The following ASS1 variants were observed in gnomAD, a reference collection of about 807,000 sequenced individuals.
The protein encoded by ASS1 is argininosuccinate synthase 1, also known as argininosuccinate synthase.
ASS1 carries 58 observed loss-of-function variants against 60.5 expected under a neutral mutation model. That is an observed-to-expected ratio of 0.96 (90% CI 0.78 to 1.19). ASS1 has a LOEUF of 1.19. Ranked by LOEUF, ASS1 falls within the 50% of genes most tolerant of loss-of-function variation. The pLI is 0.00. For synonymous variants in ASS1, 200 were observed against 206.9 expected (o/e 0.97, Z 0.29); for missense variants, 454 against 547.3 (o/e 0.83, Z 1.70).
intron 1 of ASS1, among the ~76,000 whole-genome samples, chr9:130,448,143 G>A (rs1190628956): frequency 6.6e-6 from 1 of 151,640 alleles, no homozygotes; most frequent in Non-Finnish European, 1.5e-5. Flanking sequence ...TTTTGCCTCG[G>A]GCTGCAAATG....
chr9:130,486,216 G>A (rs955814662), intron 11 of ASS1, among the ~76,000 whole-genome samples: 12 of 152,120 alleles, frequency 7.9e-5, no homozygotes, highest in South Asian at 4.2e-4. Flanking sequence ...CCACCTTGGC[G>A]TAGTAGCTAG....
At chr9:130,454,909 C>A (rs28530182) in intron 3 of ASS1, among the ~76,000 whole-genome samples, 12 of 150,584 alleles carry the variant, frequency 8.0e-5, no homozygotes, top group African/African-American at 2.9e-4. Flanking sequence ...CACTCATCCA[C>A]CCATCCATTA....
intron 5 of ASS1, among the ~76,000 whole-genome samples, chr9:130,464,685 G>A (rs1289858695): frequency 6.6e-6 from 1 of 152,138 alleles, no homozygotes; most frequent in Admixed American, 6.5e-5. Context: ...GGATCTCAGG[G>A]CCTCAACCGC....
At chr9:130,479,666 C>T (rs745845593) in intron 9 of ASS1, 50 bp from the exon 10 acceptor site, 1 of 1,479,888 alleles carries the variant, frequency 6.8e-7, no homozygotes, top group South Asian at 1.1e-5. Flanking sequence ...GGTGCAGACT[C>T]CTCCGCTGAG....
At chr9:130,448,933 TC>T (rs1234519835) in intron 1 of ASS1, among the ~76,000 whole-genome samples, 2 of 152,160 alleles carry the variant, frequency 1.3e-5, no homozygotes, top group African/African-American at 2.4e-5. Context: ...GGAGCTGACC[TC>T]CAGAGAGTGG....
chr9:130,466,851 C>G (rs1564907740), intron 6 of ASS1, 52 bp downstream of exon 6: 2 of 1,583,670 alleles, frequency 1.3e-6, no homozygotes, highest in South Asian at 1.1e-5. Context: ...GCCCCCTTCC[C>G]GGGCACGTCC....
In ASS1 at chr9:130,489,388, G is replaced by C. The variant is rs201419685; in HGVS notation, c.894G>C (p.Glu298Asp). ...TILYHAHLDI[E>D]AFTMDREVRK... The stretch of plus-strand genomic sequence containing the variant: ...TTTACCATGCTCATTTAGACATCGA[G>C]GCCTTCACCATGGACCGGGAAGTGC... The change falls in exon 12 of 15, where the codon GAG becomes GAC. Residue 298 changes from glutamate (E) to aspartate (D), a missense_variant. Glu to Asp is a conservative substitution (Grantham distance 45). Coordinates refer to ENST00000352480, the MANE Select transcript of ASS1 (RefSeq NM_054012.4). This position sits in a 1 kb window ranked among gnomAD's most constrained non-coding sequence, Gnocchi z 4.1. The C allele has an allele frequency of 7.4e-6, 12 of 1,613,968 alleles. No homozygotes were observed. Among genetic ancestry groups the C allele is most frequent in the Non-Finnish European group, 1.7e-6 (2 of 1,180,006 alleles).
rs192471968 is a variant in ASS1 at position 130,459,185 on chromosome 9, C to T, written c.363+596C>T. Among the ~76,000 whole-genome samples the T allele has an allele frequency of 1.7e-4, 26 of 152,174 alleles. No homozygotes were observed. The highest frequency in any genetic ancestry group is 2.8e-4 in the Non-Finnish European group (19 of 68,036). On this transcript the variant is annotated intron_variant, in intron 4 of 14. Transcript: ENST00000352480. This position sits in a 1 kb window ranked among gnomAD's most constrained non-coding sequence, Gnocchi z 4.6. ...CATAGTGAGGGCATGGGCAGGGCCACGCAGCCTCTGAAGGTGCCAGGAAGC... is the reference window on the plus strand; with the variant it reads ...CATAGTGAGGGCATGGGCAGGGCCATGCAGCCTCTGAAGGTGCCAGGAAGC...
intron 14 of ASS1, 25 bp downstream of exon 14, chr9:130,499,595 G>A: frequency 6.2e-7 from 1 of 1,602,842 alleles, no homozygotes; most frequent in Non-Finnish European, 8.5e-7. Flanking sequence ...GCCCTGACGG[G>A]CCTTCAGAGC....
At chr9:130,474,107 G>A (rs1038284610) in intron 8 of ASS1, among the ~76,000 whole-genome samples, 6 of 142,454 alleles carry the variant, frequency 4.2e-5, no homozygotes, top group Non-Finnish European at 9.0e-5. Flanking sequence ...CCCTCCCGCT[G>A]GGAGGGATAA....
At chr9:130,444,798 C>G (rs886063527), upstream of ASS1, 11 of 151,964 alleles carry the variant, frequency 7.2e-5, no homozygotes, top group Admixed American at 5.9e-4. This position sits in a 1 kb window ranked among gnomAD's most constrained non-coding sequence, Gnocchi z 4.7. Context: ...CCTGGGGAGG[C>G]GGGCCCCGCC....
At chr9:130,451,287 C>T (rs780733062) in intron 1 of ASS1, among the ~76,000 whole-genome samples, 2 of 134,622 alleles carry the variant, frequency 1.5e-5, no homozygotes, top group African/African-American at 5.3e-5. Flanking sequence ...AGGCACTTCC[C>T]GGCTGCAGAG....
In ASS1 at chr9:130,484,985, G is replaced by A. The variant is rs192327598; in HGVS notation, c.839-4348G>A. ...CCCGTGAGCCCTCCGGAGGCTGCCT[G>A]GGAGGGTGGCAGCCAGGAAGCCGGT... is the stretch of plus-strand genomic sequence containing the variant. On this transcript the variant is annotated intron_variant, in intron 11 of 14. Coordinates refer to ENST00000352480, the MANE Select transcript of ASS1 (RefSeq NM_054012.4). Among the ~76,000 whole-genome samples the A allele has an allele frequency of 5.0e-3, 755 of 152,308 alleles. 6 individuals carry two copies. The highest frequency in any genetic ancestry group is 5.9e-3 in the Non-Finnish European group (404 of 68,008).
intron 7 of ASS1, 34 bp from the exon 8 acceptor site, chr9:130,471,451 C>G (rs529055563): frequency 2.4e-5 from 39 of 1,613,518 alleles, no homozygotes; most frequent in Middle Eastern, 3.3e-4. Context: ...ATGTCCCTCC[C>G]CAGCTGACCC....
rs1040760699 is a variant in ASS1, at chr9:130,478,455, C to T, written c.689-1261C>T. Among the ~76,000 whole-genome samples the T allele has an allele frequency of 6.6e-6, 1 of 152,144 alleles. No individual in the cohort carries two copies. Among genetic ancestry groups the T allele is most frequent in the Non-Finnish European group, 1.5e-5 (1 of 68,034 alleles). ...GACCAGGGCAGCTCCGCAGGCTGAG[C>T]TGGAGAAGAAACGTGACCTATTGTC... On this transcript the variant is annotated intron_variant, in intron 9 of 14. Transcript: ENST00000352480. The surrounding 1 kb of genome is among the most constrained non-coding windows in gnomAD (Gnocchi z 4.7).
At chr9:130,467,183 G>C (rs920978127) in intron 6 of ASS1, among the ~76,000 whole-genome samples, 4 of 152,070 alleles carry the variant, frequency 2.6e-5, no homozygotes, top group South Asian at 2.1e-4. Context: ...ATGGCCGGCC[G>C]GGGGGATGTG....
At chr9:130,460,093 C>T (rs1845553345) in intron 4 of ASS1, among the ~76,000 whole-genome samples, 1 of 152,216 alleles carries the variant, frequency 6.6e-6, no homozygotes, top group South Asian at 2.1e-4. Flanking sequence ...CTCGGAAACT[C>T]CCCAGTGACG....
chr9:130,454,918 T>TATCCATCCATCCATTC (rs1160945144), intron 3 of ASS1, among the ~76,000 whole-genome samples: 5 of 133,414 alleles, frequency 3.7e-5, no homozygotes, highest in African/African-American at 1.4e-4. Flanking sequence ...ACCCATCCAT[T>TATCCATCCATCCATTC]ATCCATCCAT....
At chr9:130,500,329 C>G (rs2118896266) in intron 14 of ASS1, among the ~76,000 whole-genome samples, 1 of 152,316 alleles carries the variant, frequency 6.6e-6, no homozygotes, top group African/African-American at 2.4e-5. Context: ...TCCCCGGGAA[C>G]AGGCTGAGTG....
Sources: allele counts gnomAD v4.1 joint callset (sites outside exome capture counted in the v4.1 genomes callset), GRCh38; gene constraint gnomAD v4.1.1; non-coding constraint Gnocchi (gnomAD v3.1); transcripts MANE v1.5; gene names NCBI Gene and HGNC (gene_info 2026-07-23, HGNC 2026-07-21).